CTTNBP2: variants seen among roughly 807,000 people sequenced by gnomAD.
CTTNBP2 encodes cortactin binding protein 2.
CTTNBP2 carries 108 observed loss-of-function variants against 156.9 expected under a neutral mutation model. The ratio of observed to expected loss-of-function variants is 0.69; its 90% CI spans 0.59 to 0.81. CTTNBP2 has a LOEUF of 0.81. Among genes scored for constraint, CTTNBP2 ranks in the 30% least tolerant of loss-of-function variants. The pLI is 0.00. For missense variants in CTTNBP2, 1,924 were observed against 2,035.4 expected, an observed-to-expected ratio of 0.95 and a Z score of 1.05; for synonymous variants, 767 against 751.8, an observed-to-expected ratio of 1.02 and a Z score of -0.33.
rs1563084609 is a variant in CTTNBP2 at position 117,873,317 on chromosome 7, C to T, written c.81+18G>A. On this transcript the variant is annotated intron_variant, in intron 1 of 22. Transcript: ENST00000160373. ...CGCGTCTACACTAGCCCCGCGCCCG[C>T]CCCGGGAACTCGGTTACCGCCGCCT... 1.4e-6 allele frequency: 2 copies of T among 1,432,626 alleles called. No individual in the cohort carries two copies. The highest frequency in any genetic ancestry group is 1.4e-5 in the South Asian group (1 of 71,470). 88.7% of individuals were successfully genotyped at this position (1,432,626 alleles called of 1,614,324 possible).
chr7:117,828,120 A>G (rs1256475051), intron 2 of CTTNBP2, among the ~76,000 whole-genome samples: 1 of 152,232 alleles, frequency 6.6e-6, no homozygotes, highest in African/African-American at 2.4e-5. Flanking sequence ...GGGAAAAGGA[A>G]TGTCAACAGT....
chr7:117,721,281 G>A, intron 19 of CTTNBP2, 151 bp from the exon 20 acceptor site: 2 of 614,732 alleles, frequency 3.3e-6, no homozygotes, highest in Non-Finnish European at 5.7e-6. Context: ...CCAGGACAGA[G>A]GCTCTGGGCA....
chr7:117,755,339 G>A (rs1413509876), intron 12 of CTTNBP2: 1 of 280,086 alleles, frequency 3.6e-6, no homozygotes, highest in Non-Finnish European at 7.0e-6. Context: ...TGAAAACAAA[G>A]GCATCAATTC....
At chr7:117,837,958 A>G (rs1802052922) in intron 2 of CTTNBP2, among the ~76,000 whole-genome samples, 1 of 152,120 alleles carries the variant, frequency 6.6e-6, no homozygotes, top group Admixed American at 6.5e-5. Context: ...CTATTACCCT[A>G]TCCCTTACAC....
Position 117,810,757 on chromosome 7 carries a change from C to T in CTTNBP2, c.414+8G>A, listed in dbSNP as rs369547065. 45 of 1,611,636 alleles carry T rather than the reference C, an allele frequency of 2.8e-5. No individual in the cohort carries two copies. In the African/African-American group the frequency reaches 5.7e-4, roughly 21 times the overall value. ...GTGGGGAAAATGACCATTTGAACGC[C>T]TCAATACCTTCTTTTGTCTGCTCTC... On this transcript the variant is annotated splice_region_variant and intron_variant, in intron 3 of 22. Coordinates refer to ENST00000160373, the MANE Select transcript of CTTNBP2 (RefSeq NM_033427.3).
rs144109093 is a variant in CTTNBP2, at chr7:117,787,082, C to A, written c.2069-2628G>T. Among the ~76,000 whole-genome samples the A allele has an allele frequency of 2.0e-4, 30 of 152,200 alleles. 1 individual carries two copies. The highest frequency in any genetic ancestry group is 7.2e-4 in the African/African-American group (30 of 41,524). Reference sequence around the variant, plus strand: ...CATTTCCAATGTTGTCTAGCATAGACAAGCTTATTTTAATAAATCCTGCCT... The same window carrying A: ...CATTTCCAATGTTGTCTAGCATAGAAAAGCTTATTTTAATAAATCCTGCCT... On this transcript the variant is annotated intron_variant, in intron 4 of 22. Coordinates refer to ENST00000160373, the MANE Select transcript of CTTNBP2 (RefSeq NM_033427.3).
At chr7:117,714,874 C>A (rs1355600971) in intron 22 of CTTNBP2, among the ~76,000 whole-genome samples, 4 of 152,152 alleles carry the variant, frequency 2.6e-5, no homozygotes, top group African/African-American at 9.7e-5. Context: ...TAGGGGGCAG[C>A]GGAGTTTAGG....
intron 16 of CTTNBP2, among the ~76,000 whole-genome samples, chr7:117,734,131 T>A (rs573670901): frequency 6.6e-6 from 1 of 152,180 alleles, no homozygotes; most frequent in South Asian, 2.1e-4. Flanking sequence ...ACCTGGGACC[T>A]GAGACGTTGG....
chr7:117,755,482 T>C (rs774808617), intron 12 of CTTNBP2: 2 of 450,700 alleles, frequency 4.4e-6, no homozygotes, highest in Non-Finnish European at 9.0e-6. Context: ...CAGATTGATC[T>C]CATACACATC....
At chr7:117,760,299 GT>G in intron 10 of CTTNBP2, 135 bp downstream of exon 10, 1 of 819,630 alleles carries the variant, frequency 1.2e-6, no homozygotes, top group Non-Finnish European at 1.9e-6. Context: ...GAATACTCAA[GT>G]TTTTCAGCAC....
At chr7:117,856,796 G>C (rs1258167306) in intron 2 of CTTNBP2, among the ~76,000 whole-genome samples, 1 of 152,040 alleles carries the variant, frequency 6.6e-6, no homozygotes, top group African/African-American at 2.4e-5. Flanking sequence ...TGGCAGGCTG[G>C]GCACTGTAAA....
chr7:117,851,582 G>A (rs1296362432), intron 2 of CTTNBP2, among the ~76,000 whole-genome samples: 3 of 152,062 alleles, frequency 2.0e-5, no homozygotes, highest in South Asian at 2.1e-4. Flanking sequence ...TTCCTACCTC[G>A]GAGCCTACAG....
intron 14 of CTTNBP2, 139 bp downstream of exon 14, chr7:117,745,691 CA>C: frequency 1.6e-6 from 1 of 620,558 alleles, no homozygotes; most frequent in Non-Finnish European, 2.8e-6. Context: ...ATAATTTTTG[CA>C]AGTGTTTATC....
chr7:117,824,737 A>G (rs1801176285), intron 2 of CTTNBP2, among the ~76,000 whole-genome samples: 1 of 152,206 alleles, frequency 6.6e-6, no homozygotes, highest in African/African-American at 2.4e-5. Context: ...CCCTAGCTTC[A>G]CAGCTAGTCC....
chr7:117,837,728 T>A (rs970984024), intron 2 of CTTNBP2, among the ~76,000 whole-genome samples: 3 of 152,168 alleles, frequency 2.0e-5, no homozygotes, highest in African/African-American at 7.2e-5. Context: ...CTGTGATCCA[T>A]CCCATGAGGC....
intron 2 of CTTNBP2, among the ~76,000 whole-genome samples, chr7:117,832,121 G>A (rs571362756): frequency 6.6e-6 from 1 of 152,128 alleles, no homozygotes; most frequent in South Asian, 2.1e-4. Context: ...CCCTGGCTGT[G>A]ACACTGCCAT....
intron 12 of CTTNBP2, chr7:117,755,702 A>G (rs1225419072): frequency 6.0e-6 from 2 of 331,984 alleles, no homozygotes; most frequent in East Asian, 2.0e-4. Context: ...ACATTTATCC[A>G]TTTTACATTT....
chr7:117,845,447 G>C (rs776388678), intron 2 of CTTNBP2, among the ~76,000 whole-genome samples: 1 of 152,098 alleles, frequency 6.6e-6, no homozygotes, highest in Non-Finnish European at 1.5e-5. Context: ...TCTGAGTGAT[G>C]GGAAAATTTC....
chr7:117,771,367 C>T (rs1562990162), intron 8 of CTTNBP2, among the ~76,000 whole-genome samples: 4 of 152,204 alleles, frequency 2.6e-5, no homozygotes, highest in African/African-American at 9.7e-5. Flanking sequence ...GTGCTGAGAA[C>T]AGCCTTGGGG....
Sources: gnomAD v4.1 joint callset for allele counts (sites outside exome capture counted in the v4.1 genomes callset) on GRCh38, gnomAD v4.1.1 for gene constraint, MANE v1.5 for transcripts, NCBI Gene and HGNC (gene_info 2026-07-23, HGNC 2026-07-21) for gene names.